Variants in HDAC9 observed in about 807,000 individuals in gnomAD.
The protein encoded by HDAC9 is MEF-2 interacting transcription repressor (MITR) protein.
In HDAC9, 41 loss-of-function variants were observed where a neutral mutation model predicts 139.4. That is an observed-to-expected ratio of 0.29 (90% CI 0.23 to 0.38). HDAC9 has a LOEUF of 0.38. HDAC9 is among the 10% of genes least tolerant of loss of function. The pLI, the probability that HDAC9 is intolerant of heterozygous loss-of-function variation, is 1.00. For synonymous variants in HDAC9, 517 were observed against 476.2 expected (o/e 1.09, Z -1.12); for missense variants, 1,147 against 1,297.0 (o/e 0.88, Z 1.78).
intron 19 of HDAC9, among the ~76,000 whole-genome samples, 191 bp from the exon 20 acceptor site, chr7:18,835,276 C>T (rs1162310443): frequency 6.6e-6 from 1 of 151,904 alleles, no homozygotes; most frequent in African/African-American, 2.4e-5. Flanking sequence ...GGGTAATTTG[C>T]CTGAAAGTTC....
intron 12 of HDAC9, among the ~76,000 whole-genome samples, chr7:18,670,584 A>G (rs149560612): frequency 6.6e-6 from 1 of 152,194 alleles, no homozygotes; most frequent in East Asian, 1.9e-4. Context: ...TATTATTATC[A>G]TCCCACTGTA....
intron 2 of HDAC9, among the ~76,000 whole-genome samples, chr7:18,580,281 A>C: frequency 6.6e-6 from 1 of 152,206 alleles, no homozygotes; most frequent in East Asian, 1.9e-4. Flanking sequence ...CTAAAAACTC[A>C]AATGTTTCTT....
At chr7:18,919,305 A>G (rs1803482121) in intron 22 of HDAC9, among the ~76,000 whole-genome samples, 1 of 152,054 alleles carries the variant, frequency 6.6e-6, no homozygotes, top group Admixed American at 6.6e-5. Flanking sequence ...AAAGCTAACC[A>G]ATATGATGGT....
At chr7:18,748,860 T>C in intron 13 of HDAC9, 145 bp from the exon 14 acceptor site, 1 of 774,860 alleles carries the variant, frequency 1.3e-6, no homozygotes, top group Non-Finnish European at 2.0e-6. Context: ...TATGTGCTCC[T>C]GAGAATTTGC....
At chr7:18,955,963 T>G (rs1783118041) in intron 24 of HDAC9, among the ~76,000 whole-genome samples, 1 of 152,188 alleles carries the variant, frequency 6.6e-6, no homozygotes, top group Non-Finnish European at 1.5e-5. Flanking sequence ...ACTCTACTGT[T>G]GCCTTTTATA....
At position 18,118,875 on chromosome 7, in the gene HDAC9, G is replaced by A. The variant is rs118124174; in HGVS notation, c.-97+31662G>A. On this transcript the variant is annotated intron_variant, in intron 1 of 12. Coordinates refer to the HDAC9 transcript ENST00000417496. ...AGAGAATATTGGCCAAGAAAGGGTA[G>A]TATGGGAAATCGGAAAACACCTGAA... 3.4e-3 allele frequency among the ~76,000 whole-genome samples: 521 copies of A among 152,334 alleles called. 23 individuals are homozygous for A. The East Asian group carries it at 0.081, about 24-fold the overall frequency.
chr7:18,940,083 C>T (rs1473840456), intron 23 of HDAC9, among the ~76,000 whole-genome samples: 2 of 152,084 alleles, frequency 1.3e-5, no homozygotes, highest in African/African-American at 4.8e-5. Context: ...AATTTTGCTT[C>T]TTAGGGCTTA....
intron 2 of HDAC9, among the ~76,000 whole-genome samples, chr7:18,520,255 T>C (rs1804603765): frequency 6.6e-6 from 1 of 152,168 alleles, no homozygotes; most frequent in African/African-American, 2.4e-5. Context: ...TATATTTTTC[T>C]TTTCATTCTG....
chr7:18,422,883 T>TA (rs1307179394), intron 1 of HDAC9, among the ~76,000 whole-genome samples: 1 of 152,216 alleles, frequency 6.6e-6, no homozygotes, highest in African/African-American at 2.4e-5. Context: ...ACTGCTTCTT[T>TA]ACAGTCCTAA....
At chr7:18,936,920 T>G (rs947910927) in intron 23 of HDAC9, among the ~76,000 whole-genome samples, 4 of 152,124 alleles carry the variant, frequency 2.6e-5, no homozygotes, top group African/African-American at 9.7e-5. Flanking sequence ...CTGTAATGTT[T>G]CCATATGATT....
At chr7:18,830,989 TG>T (rs1486729290) in intron 19 of HDAC9, among the ~76,000 whole-genome samples, 1 of 152,232 alleles carries the variant, frequency 6.6e-6, no homozygotes, top group Non-Finnish European at 1.5e-5. Flanking sequence ...CTCCTCTTTC[TG>T]TAAGTTCTAT....
chr7:18,939,456 G>A (rs1781873780), intron 23 of HDAC9, among the ~76,000 whole-genome samples: 1 of 152,000 alleles, frequency 6.6e-6, no homozygotes, highest in Admixed American at 6.6e-5. Context: ...TTGGAAAAAG[G>A]AAATGAAAAT....
At chr7:18,693,870 A>T (rs534948030) in intron 12 of HDAC9, among the ~76,000 whole-genome samples, 19 of 152,286 alleles carry the variant, frequency 1.2e-4, no homozygotes, top group African/African-American at 4.6e-4. Flanking sequence ...GGAGCTCATA[A>T]CTGCTTTTCC....
intron 14 of HDAC9, among the ~76,000 whole-genome samples, chr7:18,756,102 G>T (rs932401795): frequency 6.6e-6 from 1 of 152,012 alleles, no homozygotes; most frequent in African/African-American, 2.4e-5. Context: ...CCAGACAAAG[G>T]TAATAAGGTA....
Position 18,478,118 on chromosome 7 carries a change from C to T in HDAC9, c.-41-18144C>T, listed in dbSNP as rs1173792122. Among the ~76,000 whole-genome samples, 4 of 152,026 alleles carry T rather than the reference C, an allele frequency of 2.6e-5. No homozygotes were observed. In the South Asian group the frequency reaches 8.3e-4, roughly 32 times the overall value. ...ATGGAGTCTTGCTCTGTCGCCCAGG[C>T]TGGAGTGCAGTGGCAGGATCTGGGC... On this transcript the variant is annotated intron_variant, in intron 1 of 3. Coordinates refer to the HDAC9 transcript ENST00000413509.
chr7:18,717,751 A>G (rs559941152), intron 12 of HDAC9, among the ~76,000 whole-genome samples: 2 of 152,188 alleles, frequency 1.3e-5, no homozygotes, highest in South Asian at 4.1e-4. Flanking sequence ...ATAAACACAC[A>G]CAACATATAA....
At chr7:18,897,879 A>G (rs1417174068) in intron 22 of HDAC9, among the ~76,000 whole-genome samples, 1 of 151,082 alleles carries the variant, frequency 6.6e-6, no homozygotes, top group East Asian at 1.9e-4. Flanking sequence ...GGAACCATGC[A>G]TGGATCCAAT....
chr7:18,564,279 T>C (rs1439415770), intron 2 of HDAC9, among the ~76,000 whole-genome samples: 2 of 152,162 alleles, frequency 1.3e-5, no homozygotes, highest in Non-Finnish European at 2.9e-5. Flanking sequence ...TTAATTAATC[T>C]GTCCTGATTT....
intron 1 of HDAC9, among the ~76,000 whole-genome samples, chr7:18,315,111 A>T (rs1293534705): frequency 6.6e-6 from 1 of 152,190 alleles, no homozygotes; most frequent in Non-Finnish European, 1.5e-5. Context: ...TGTAATCCTC[A>T]TGTTAAAGAA....
Sources: allele counts gnomAD v4.1 joint callset (sites outside exome capture counted in the v4.1 genomes callset), GRCh38; gene constraint gnomAD v4.1.1; transcripts MANE v1.5; gene names NCBI Gene and HGNC (gene_info 2026-07-23, HGNC 2026-07-21).